MTR: variants seen among roughly 807,000 people sequenced by gnomAD.
MTR encodes the protein 5-methyltetrahydrofolate-homocysteine methyltransferase.
In MTR, 84 loss-of-function variants were observed where a neutral mutation model predicts 154.8. The observed-to-expected ratio is 0.54, with a 90% CI of 0.45 to 0.65. The LOEUF is 0.65. MTR is among the 30% of genes least tolerant of loss of function. The probability of loss-of-function intolerance (pLI) is 0.00; values close to 1 mark genes in which losing one functional copy is unlikely to be tolerated. For synonymous variants in MTR, 554 were observed against 553.9 expected, an observed-to-expected ratio of 1.00 and a Z score of 0.00; for missense variants, 1,275 against 1,570.2, an observed-to-expected ratio of 0.81 and a Z score of 3.18.
intron 15 of MTR, among the ~76,000 whole-genome samples, chr1:236,843,086 C>CA (rs563953592): frequency 0.23 from 16,785 of 74,308 alleles, 1,500 homozygotes; most frequent in Middle Eastern, 0.3. Context: ...ACTCTGTCTC[C>CA]AAAAAAAAAA....
At chr1:236,871,512 A>G (rs1189362374) in intron 22 of MTR, among the ~76,000 whole-genome samples, 1 of 131,274 alleles carries the variant, frequency 7.6e-6, no homozygotes, top group Non-Finnish European at 1.8e-5. Flanking sequence ...AACATATACA[A>G]TGTTAAAAAA....
At chr1:236,822,960 G>GGAAGTTTTTTGTA (rs1662056217) in intron 8 of MTR, among the ~76,000 whole-genome samples, 1 of 152,056 alleles carries the variant, frequency 6.6e-6, no homozygotes, top group Non-Finnish European at 1.5e-5. Context: ...GATACTAGCT[G>GGAAGTTTTTTGTA]GAAGTTTTTT....
chr1:236,886,495 A>G, intron 27 of MTR, 128 bp downstream of exon 27: 1 of 816,402 alleles, frequency 1.2e-6, no homozygotes. Flanking sequence ...TCTAATGCTG[A>G]TGAGTGACTG....
Position 236,829,220 on chromosome 1 carries a change from C to T in MTR, c.1027C>T (p.Pro343Ser). 1 of 1,613,952 alleles carries T rather than the reference C, an allele frequency of 6.2e-7. No homozygotes were observed. The highest frequency in any genetic ancestry group is 8.5e-7 in the Non-Finnish European group (1 of 1,179,894). Residue 343 changes from proline (P) to serine (S), a missense_variant, in exon 12 of 33, where the codon CCT (proline) becomes TCT (serine). Pro to Ser is a moderately conservative substitution (Grantham distance 74, BLOSUM62 -1). Coordinates refer to ENST00000366577, the MANE Select transcript of MTR (RefSeq NM_000254.3). ...EIAEAVKNCKPRVPPATAFEG... is the reference protein window; with the variant it reads ...EIAEAVKNCKSRVPPATAFEG... Reference sequence around the variant, plus strand: ...TGCTGAAGCTGTGAAAAATTGTAAGCCTAGAGTTCCACCTGCCACTGCTTT... The same window carrying T: ...TGCTGAAGCTGTGAAAAATTGTAAGTCTAGAGTTCCACCTGCCACTGCTTT...
chr1:236,812,918 T>A, intron 6 of MTR, 74 bp downstream of exon 6: 1 of 1,112,670 alleles, frequency 9.0e-7, no homozygotes, highest in Non-Finnish European at 1.4e-6. Context: ...AGGGAGAAGA[T>A]AATATTAGCC....
intron 26 of MTR, among the ~76,000 whole-genome samples, chr1:236,885,428 T>C (rs1665961250): frequency 6.6e-6 from 1 of 152,184 alleles, no homozygotes; most frequent in South Asian, 2.1e-4. Flanking sequence ...ATTTTATTTA[T>C]TCAGCCAAAC....
rs1666943495 is a variant in MTR, at chr1:236,902,131, G to C, written c.*4487G>C. ...GAATAACCATCTCCCCGTGACCTAG[G>C]ATATATCCCAGCCCCTTAGAGGCAT... On this transcript the variant is annotated 3_prime_UTR_variant, in exon 33 of 33. Transcript: ENST00000366577. 1 of 152,226 alleles carries C rather than the reference G, an allele frequency of 6.6e-6. No homozygotes were observed. The highest frequency in any genetic ancestry group is 1.5e-5 in the Non-Finnish European group (1 of 68,188). The allele number at this position is 152,226 out of a possible 1,614,324, so 9.4% of individuals were successfully genotyped here. A position where few individuals can be genotyped will look rare whatever the true frequency, so the allele number is the denominator to read the frequency against.
rs192307754 is a variant in MTR, at chr1:236,899,963, A to G, written c.*2319A>G. 5.0e-6 allele frequency: 1 copy of G among 199,224 alleles called. No homozygotes were observed. The highest frequency in any genetic ancestry group is 2.3e-5 in the African/African-American group (1 of 43,076). The allele number at this position is 199,224 out of a possible 1,614,324, so 12.3% of individuals were successfully genotyped here. A position where few individuals can be genotyped will look rare whatever the true frequency, so the allele number is the denominator to read the frequency against. Reference sequence around the variant, plus strand: ...TTAGATCTGTAGGGACTTGTACAACATTGTGGATGTGTAAACAGGCACCAC... The same window carrying G: ...TTAGATCTGTAGGGACTTGTACAACGTTGTGGATGTGTAAACAGGCACCAC... On this transcript the variant is annotated 3_prime_UTR_variant, in exon 33 of 33. Coordinates refer to ENST00000366577, the MANE Select transcript of MTR (RefSeq NM_000254.3).
intron 8 of MTR, among the ~76,000 whole-genome samples, chr1:236,822,861 A>G (rs1662049810): frequency 6.6e-6 from 1 of 152,172 alleles, no homozygotes; most frequent in African/African-American, 2.4e-5. Context: ...GGGACTTCAA[A>G]TACAATATTG....
At chr1:236,861,823 TCTTGC>T (rs1664562064) in intron 20 of MTR, among the ~76,000 whole-genome samples, 6 of 152,180 alleles carry the variant, frequency 3.9e-5, no homozygotes, top group Admixed American at 1.3e-4. Flanking sequence ...AAGGCCTTCA[TCTTGC>T]CTTAATGTAA....
At chr1:236,897,243 G>T in intron 32 of MTR, 125 bp downstream of exon 32, 1 of 811,732 alleles carries the variant, frequency 1.2e-6, no homozygotes, top group Non-Finnish European at 2.1e-6. Context: ...TCCAGTTAAT[G>T]TCTTAATTTG....
chr1:236,850,234 T>C (rs1663818171), intron 15 of MTR, 110 bp from the exon 16 acceptor site: 1 of 696,458 alleles, frequency 1.4e-6, no homozygotes, highest in Non-Finnish European at 2.0e-6. Flanking sequence ...GTATAACACT[T>C]AATATTTTAA....
chr1:236,897,308 A>ATGCGCGCGCGCGCATGCGCGCG (rs57608445), intron 32 of MTR, among the ~76,000 whole-genome samples, 190 bp downstream of exon 32: 1 of 131,538 alleles, frequency 7.6e-6, no homozygotes, highest in South Asian at 2.6e-4. Flanking sequence ...AGCCACACAC[A>ATGCGCGCGCGCGCATGCGCGCG]CGCACACACA....
At chr1:236,813,705 A>G (rs766615620) in intron 6 of MTR, among the ~76,000 whole-genome samples, 16 of 151,734 alleles carry the variant, frequency 1.1e-4, no homozygotes, top group African/African-American at 2.9e-4. Context: ...CTTTTTTTCT[A>G]TTGGACTTTG....
chr1:236,874,876 C>T (rs780995382), intron 24 of MTR, 30 bp downstream of exon 24: 48 of 1,611,452 alleles, frequency 3.0e-5, no homozygotes, highest in Non-Finnish European at 4.0e-5. Context: ...TTTGTCCTCA[C>T]TTCAAATTTT....
In MTR at chr1:236,897,673, CT is replaced by C. The variant is rs1440351917; in HGVS notation, c.*31del. 1.2e-5 allele frequency: 18 copies of C among 1,516,618 alleles called. No individual in the cohort carries two copies. Among genetic ancestry groups the C allele is most frequent in the Non-Finnish European group, 1.4e-5 (16 of 1,114,458 alleles). 93.9% of individuals were successfully genotyped at this position (1,516,618 alleles called of 1,614,324 possible). A position where few individuals can be genotyped will look rare whatever the true frequency, so the allele number is the denominator to read the frequency against. ...TTTTTTTTTTTTTGCCTTTTTTATT[CT>C]TGATGATCCTCAAGGAAATACAACC... On this transcript the variant is annotated 3_prime_UTR_variant, in exon 33 of 33. Coordinates refer to ENST00000366577, the MANE Select transcript of MTR (RefSeq NM_000254.3).
chr1:236,881,130 A>G (rs1008714407), intron 25 of MTR, among the ~76,000 whole-genome samples: 3 of 152,196 alleles, frequency 2.0e-5, no homozygotes, highest in African/African-American at 7.2e-5. Flanking sequence ...ACCCACTCAC[A>G]AACATGAATA....
intron 24 of MTR, among the ~76,000 whole-genome samples, chr1:236,879,889 C>T (rs1271112235): frequency 6.6e-6 from 1 of 152,052 alleles, no homozygotes; most frequent in Non-Finnish European, 1.5e-5. Flanking sequence ...CACAGTGGCT[C>T]ATGCCTGTAA....
chr1:236,846,451 A>G (rs1226960515), intron 15 of MTR, among the ~76,000 whole-genome samples: 1 of 152,246 alleles, frequency 6.6e-6, no homozygotes, highest in African/African-American at 2.4e-5. Context: ...TAATCAATAT[A>G]TGCAACACAT....
Sources: gnomAD v4.1 joint callset for allele counts (sites outside exome capture counted in the v4.1 genomes callset) on GRCh38, gnomAD v4.1.1 for gene constraint, MANE v1.5 for transcripts, NCBI Gene and HGNC (gene_info 2026-07-23, HGNC 2026-07-21) for gene names.